Variants in RGS6 observed in about 807,000 individuals in gnomAD.
RGS6 encodes regulator of G-protein signaling 6.
In RGS6, 30 loss-of-function variants were observed where a neutral mutation model predicts 78.5. The ratio of observed to expected loss-of-function variants is 0.38; its 90% CI spans 0.29 to 0.52. The LOEUF (loss-of-function observed/expected upper bound fraction) is 0.52, where lower values mean the gene tolerates loss of function less well. RGS6 is among the 20% of genes least tolerant of loss of function. The pLI, the probability that RGS6 is intolerant of heterozygous loss-of-function variation, is 0.85. For synonymous variants in RGS6, 206 were observed against 206.0 expected (o/e 1.00, Z 0.00); for missense variants, 495 against 609.7 (o/e 0.81, Z 1.98).
intron 2 of RGS6, among the ~76,000 whole-genome samples, chr14:72,062,376 TG>T (rs2093937258): frequency 6.6e-6 from 1 of 152,214 alleles, no homozygotes; most frequent in Non-Finnish European, 1.5e-5. Context: ...GGGCCTGCCC[TG>T]CCTCTGATGA....
At chr14:72,475,825 T>TGCACACACACACACAC (rs1307634137) in intron 10 of RGS6, among the ~76,000 whole-genome samples, 26 of 96,126 alleles carry the variant, frequency 2.7e-4, no homozygotes, top group Non-Finnish European at 4.2e-4. Flanking sequence ...TAAAAAAAAA[T>TGCACACACACACACAC]ACACGCACAC....
chr14:71,934,370 C>CTATAAA (rs1397185856), intron 1 of RGS6, among the ~76,000 whole-genome samples: 3 of 152,146 alleles, frequency 2.0e-5, no homozygotes, highest in Non-Finnish European at 4.4e-5. Context: ...TAAATGTCAG[C>CTATAAA]TGTTGGGAGG....
upstream of RGS6, among the ~76,000 whole-genome samples, chr14:71,929,061 A>G (rs985479492): frequency 5.9e-5 from 9 of 152,244 alleles, no homozygotes; most frequent in African/African-American, 2.2e-4. Context: ...CCATCTTCTG[A>G]GGGTAAGTTG....
intron 3 of RGS6, among the ~76,000 whole-genome samples, chr14:72,410,633 A>G (rs1842996384): frequency 6.6e-6 from 1 of 152,182 alleles, no homozygotes; most frequent in Non-Finnish European, 1.5e-5. Flanking sequence ...TTAGACATGA[A>G]GTCCTTGCCC....
At position 72,156,113 on chromosome 14, in the gene RGS6, C is replaced by G. The variant is rs563229069; in HGVS notation, c.84+191238C>G. ...ATGAGCAGGTGGGTGGCCTTGCAAA[C>G]CGGGGTCTGAAGGGGCTGGTCAGCA... is the stretch of plus-strand genomic sequence containing the variant. On this transcript the variant is annotated intron_variant, in intron 2 of 17. Transcript: ENST00000553525. Among the ~76,000 whole-genome samples the G allele has an allele frequency of 1.6e-3, 248 of 152,258 alleles. 1 individual carries two copies. The highest frequency in any genetic ancestry group is 6.8e-3 in the Middle Eastern group (2 of 294).
chr14:72,068,867 T>G (rs1386295661), intron 2 of RGS6, among the ~76,000 whole-genome samples: 1 of 152,202 alleles, frequency 6.6e-6, no homozygotes, highest in African/African-American at 2.4e-5. Context: ...TACTTGACTT[T>G]AAATGGATCA....
At chr14:72,426,825 T>C (rs1320051250) in intron 3 of RGS6, among the ~76,000 whole-genome samples, 1 of 152,256 alleles carries the variant, frequency 6.6e-6, no homozygotes, top group Non-Finnish European at 1.5e-5. Flanking sequence ...AATAATATCT[T>C]GTGTCCCACA....
At chr14:72,331,405 G>T (rs560087376) in intron 2 of RGS6, among the ~76,000 whole-genome samples, 1 of 152,326 alleles carries the variant, frequency 6.6e-6, no homozygotes, top group Non-Finnish European at 1.5e-5. Context: ...AATGTCCCCT[G>T]CTTTACAGTA....
At chr14:72,402,117 C>T (rs1000133969) in intron 3 of RGS6, among the ~76,000 whole-genome samples, 2 of 152,172 alleles carry the variant, frequency 1.3e-5, no homozygotes, top group African/African-American at 2.4e-5. Context: ...GTCTGCTCCA[C>T]GACCTCCTGG....
At chr14:72,162,851 A>G (rs960392677) in intron 2 of RGS6, among the ~76,000 whole-genome samples, 1 of 152,154 alleles carries the variant, frequency 6.6e-6, no homozygotes, top group African/African-American at 2.4e-5. Flanking sequence ...TATATATATG[A>G]TGGAACACCA....
At chr14:72,484,129 G>A (rs912725802) in intron 12 of RGS6, among the ~76,000 whole-genome samples, 6 of 152,154 alleles carry the variant, frequency 3.9e-5, no homozygotes, top group African/African-American at 1.2e-4. Context: ...GTAGCAGAGC[G>A]AGGCGTGCCA....
At chr14:72,505,425 C>T (rs1213536222) in intron 13 of RGS6, among the ~76,000 whole-genome samples, 1 of 152,194 alleles carries the variant, frequency 6.6e-6, no homozygotes, top group East Asian at 1.9e-4. Context: ...TTATAGAGTA[C>T]TAATCCCACT....
intron 2 of RGS6, among the ~76,000 whole-genome samples, chr14:72,315,995 C>A (rs1198048461): frequency 6.6e-6 from 1 of 152,210 alleles, no homozygotes; most frequent in Non-Finnish European, 1.5e-5. Context: ...ATACACAGTT[C>A]TGTCCAACCA....
At chr14:72,475,952 T>C (rs868223557) in intron 10 of RGS6, among the ~76,000 whole-genome samples, 1 of 152,182 alleles carries the variant, frequency 6.6e-6, no homozygotes, top group Non-Finnish European at 1.5e-5. Context: ...AAAATGTTAG[T>C]CCTAAAATGT....
intron 2 of RGS6, among the ~76,000 whole-genome samples, chr14:72,105,296 ACTTTC>A (rs1372080015): frequency 5.3e-5 from 8 of 152,174 alleles, no homozygotes; most frequent in African/African-American, 1.9e-4. Context: ...TTTTATTTGT[ACTTTC>A]CTTATGATCA....
chr14:72,060,099 G>A (rs2093817525), intron 2 of RGS6, among the ~76,000 whole-genome samples: 2 of 152,132 alleles, frequency 1.3e-5, no homozygotes, highest in South Asian at 2.1e-4. Flanking sequence ...AAGGTCCTGT[G>A]CCATGAGGAG....
chr14:72,378,093 C>A (rs1248197050), intron 3 of RGS6, among the ~76,000 whole-genome samples: 1 of 152,092 alleles, frequency 6.6e-6, no homozygotes, highest in Non-Finnish European at 1.5e-5. Flanking sequence ...CAAAAAGTAA[C>A]CTGCTCCTGA....
At chr14:72,071,015 A>G (rs1304405544) in intron 2 of RGS6, among the ~76,000 whole-genome samples, 2 of 152,132 alleles carry the variant, frequency 1.3e-5, no homozygotes, top group Non-Finnish European at 2.9e-5. Flanking sequence ...TTCAGCAAAA[A>G]TGTAGGTCAG....
At chr14:72,345,669 T>C (rs1372960524) in intron 2 of RGS6, among the ~76,000 whole-genome samples, 1 of 152,172 alleles carries the variant, frequency 6.6e-6, no homozygotes, top group Non-Finnish European at 1.5e-5. Context: ...GTTCCCTGAG[T>C]CACTCTGAAA....
Sources: gnomAD v4.1 joint callset for allele counts (sites outside exome capture counted in the v4.1 genomes callset) on GRCh38, gnomAD v4.1.1 for gene constraint, MANE v1.5 for transcripts, NCBI Gene and HGNC (gene_info 2026-07-23, HGNC 2026-07-21) for gene names.